SLC5A4: variants seen among roughly 807,000 people sequenced by gnomAD.
The protein encoded by SLC5A4 is solute carrier family 5 member 4.
A neutral mutation model predicts 70.3 loss-of-function variants in SLC5A4; 55 were observed. The ratio of observed to expected loss-of-function variants is 0.78; its 90% CI spans 0.63 to 0.98. The LOEUF (loss-of-function observed/expected upper bound fraction) is 0.98, where lower values mean the gene tolerates loss of function less well. Ranked by LOEUF, SLC5A4 falls within the 50% of genes least tolerant of loss-of-function variation. SLC5A4 has a pLI of 0.00. For missense variants in SLC5A4, 735 were observed against 839.2 expected (o/e 0.88, Z 1.53); for synonymous variants, 268 against 305.7 (o/e 0.88, Z 1.29).
At chr22:32,226,055 A>G (rs180703636) in intron 11 of SLC5A4, among the ~76,000 whole-genome samples, 7 of 152,374 alleles carry the variant, frequency 4.6e-5, no homozygotes, top group African/African-American at 1.7e-4. Flanking sequence ...ATGAGATTAA[A>G]TATCTATTCA....
At chr22:32,271,203 C>A in the SLC5A4 span, 3 of 765,788 alleles carry the variant, frequency 3.9e-6, no homozygotes, top group Admixed American at 6.1e-5. Context: ...AGCTCCCCGA[C>A]TGGCGGCTGG....
At chr22:32,349,338 T>C in the SLC5A4 span, among the ~76,000 whole-genome samples, 1 of 152,182 alleles carries the variant, frequency 6.6e-6, no homozygotes, top group Non-Finnish European at 1.5e-5. Context: ...CAGTTTTAAT[T>C]ACGTACCAGG....
the SLC5A4 span, among the ~76,000 whole-genome samples, chr22:32,322,613 A>G: frequency 1.3e-5 from 2 of 151,970 alleles, no homozygotes; most frequent in Admixed American, 1.3e-4. Context: ...TGGAAAAAAA[A>G]AAAGAAACAG....
chr22:32,340,694 G>C, the SLC5A4 span, among the ~76,000 whole-genome samples: 1 of 152,220 alleles, frequency 6.6e-6, no homozygotes, highest in Non-Finnish European at 1.5e-5. Flanking sequence ...TCTGGTTGGA[G>C]GAACAGCAGC....
upstream of SLC5A4, among the ~76,000 whole-genome samples, chr22:32,259,251 G>C (rs1244865960): frequency 1.3e-5 from 2 of 152,210 alleles, no homozygotes; most frequent in African/African-American, 4.8e-5. Flanking sequence ...TTTTATTAAA[G>C]TCATGAAAGT....
chr22:32,251,510 CCT>C (rs113394070), intron 3 of SLC5A4, among the ~76,000 whole-genome samples: 424 of 144,494 alleles, frequency 2.9e-3, no homozygotes, highest in Middle Eastern at 3.6e-3. Context: ...ATCCTCCATC[CCT>C]CTCTCTCTCT....
the SLC5A4 span, among the ~76,000 whole-genome samples, chr22:32,331,875 C>A: frequency 3.3e-5 from 5 of 152,188 alleles, no homozygotes; most frequent in East Asian, 3.9e-4. Flanking sequence ...CTCCCCAGGC[C>A]CATTGCAGTG....
the SLC5A4 span, among the ~76,000 whole-genome samples, chr22:32,292,751 TATGTGTTGA>T: frequency 6.6e-6 from 1 of 152,224 alleles, no homozygotes; most frequent in African/African-American, 2.4e-5. Context: ...TGTGTATTGG[TATGTGTTGA>T]ATGCATTGTT....
chr22:32,335,348 T>C, the SLC5A4 span, among the ~76,000 whole-genome samples: 43 of 113,712 alleles, frequency 3.8e-4, 1 homozygote, highest in South Asian at 9.8e-3. Flanking sequence ...ATCTCCTCCT[T>C]CTTGTCTGGC....
At chr22:32,288,032 T>TA in the SLC5A4 span, among the ~76,000 whole-genome samples, 72 of 148,040 alleles carry the variant, frequency 4.9e-4, no homozygotes, top group Non-Finnish European at 7.7e-4. Flanking sequence ...TTTTTTTTTT[T>TA]AGAGATGAGG....
At chr22:32,270,164 C>A in the SLC5A4 span, 1 of 643,328 alleles carries the variant, frequency 1.6e-6, no homozygotes. Flanking sequence ...GCAGCGACGC[C>A]CAGTCGGGCA....
chr22:32,241,608 G>A (rs538381677), intron 5 of SLC5A4, among the ~76,000 whole-genome samples: 2 of 152,252 alleles, frequency 1.3e-5, no homozygotes, highest in East Asian at 1.9e-4. Context: ...ACTTTGGGAG[G>A]CCAAAGCGGG....
intron 5 of SLC5A4, among the ~76,000 whole-genome samples, chr22:32,244,537 A>AT: frequency 6.6e-6 from 1 of 152,126 alleles, no homozygotes; most frequent in Non-Finnish European, 1.5e-5. Context: ...TTATCAATGA[A>AT]TTTTTTCCTA....
chr22:32,345,375 GTCA>G, the SLC5A4 span, among the ~76,000 whole-genome samples: 28 of 143,850 alleles, frequency 1.9e-4, no homozygotes, highest in Admixed American at 8.2e-4. Context: ...GTGAATGTTA[GTCA>G]GTGAATAAAA....
chr22:32,341,013 T>C, the SLC5A4 span, among the ~76,000 whole-genome samples: 2 of 151,940 alleles, frequency 1.3e-5, no homozygotes, highest in African/African-American at 2.4e-5. Flanking sequence ...TTTCAAGGTA[T>C]TGCTGATGGA....
chr22:32,241,160 C>T (rs1926487041), intron 5 of SLC5A4, among the ~76,000 whole-genome samples: 1 of 152,236 alleles, frequency 6.6e-6, no homozygotes, highest in Non-Finnish European at 1.5e-5. Context: ...AGTTAGACAT[C>T]TCCACATAGC....
chr22:32,245,867 A>G (rs1301681555), intron 5 of SLC5A4, among the ~76,000 whole-genome samples: 1 of 152,170 alleles, frequency 6.6e-6, no homozygotes, highest in East Asian at 1.9e-4. Flanking sequence ...GCACCAGAGG[A>G]CAATTGGGAG....
At chr22:32,281,038 G>T in the SLC5A4 span, among the ~76,000 whole-genome samples, 2 of 152,168 alleles carry the variant, frequency 1.3e-5, no homozygotes, top group African/African-American at 4.8e-5. Context: ...GAAGGAAAAG[G>T]CTGTGGAAGG....
At chr22:32,259,402 C>G (rs917029922), upstream of SLC5A4, among the ~76,000 whole-genome samples, 1 of 152,036 alleles carries the variant, frequency 6.6e-6, no homozygotes, top group Non-Finnish European at 1.5e-5. Flanking sequence ...TTCTTATATT[C>G]CATGTTGATT....
Sources: gnomAD v4.1 joint callset for allele counts (sites outside exome capture counted in the v4.1 genomes callset) on GRCh38, gnomAD v4.1.1 for gene constraint, MANE v1.5 for transcripts, NCBI Gene and HGNC (gene_info 2026-07-23, HGNC 2026-07-21) for gene names.